The following MAST4 variants were observed in gnomAD, a reference collection of about 807,000 sequenced individuals.
The protein encoded by MAST4 is microtubule-associated serine/threonine-protein kinase 4.
MAST4 carries 89 observed loss-of-function variants against 162.7 expected under a neutral mutation model. That is an observed-to-expected ratio of 0.55 (90% CI 0.46 to 0.65). The LOEUF is 0.65. Ranked by LOEUF, MAST4 falls within the 30% of genes least tolerant of loss-of-function variation. The probability of loss-of-function intolerance (pLI) is 0.00; values close to 1 mark genes in which losing one functional copy is unlikely to be tolerated. For synonymous variants in MAST4, 1,479 were observed against 1,361.1 expected, an observed-to-expected ratio of 1.09 and a Z score of -1.91; for missense variants, 3,153 against 3,374.0, an observed-to-expected ratio of 0.93 and a Z score of 1.62.
intron 5 of MAST4, among the ~76,000 whole-genome samples, chr5:67,083,963 A>G (rs1167549545): frequency 6.6e-6 from 1 of 152,194 alleles, no homozygotes; most frequent in African/African-American, 2.4e-5. Flanking sequence ...TGTGACATCA[A>G]TTCAGAGTAA....
chr5:66,836,702 C>T (rs967007885), intron 3 of MAST4, among the ~76,000 whole-genome samples: 4 of 152,028 alleles, frequency 2.6e-5, no homozygotes, highest in African/African-American at 9.7e-5. Context: ...AACAGAAAAC[C>T]AAATACTGCA....
rs1036991745 is a variant in MAST4 at position 67,067,347 on chromosome 5, G to A, written c.763+12855G>A. Among the ~76,000 whole-genome samples, 24 of 152,140 alleles carry A rather than the reference G, an allele frequency of 1.6e-4. 1 individual carries two copies. Among genetic ancestry groups the A allele is most frequent in the African/African-American group, 5.3e-4 (22 of 41,428 alleles). On this transcript the variant is annotated intron_variant, in intron 5 of 28. Coordinates refer to ENST00000403625, the MANE Select transcript of MAST4 (RefSeq NM_001164664.2). ...TCTCAACCTCCTCATCTATCAAATGGAAGTAGTCAAACTTGCTCTTGGAAC... is the reference window on the plus strand; with the variant it reads ...TCTCAACCTCCTCATCTATCAAATGAAAGTAGTCAAACTTGCTCTTGGAAC...
chr5:67,073,659 C>G (rs1427802970), intron 5 of MAST4, among the ~76,000 whole-genome samples: 1 of 152,050 alleles, frequency 6.6e-6, no homozygotes, highest in Non-Finnish European at 1.5e-5. Flanking sequence ...AAGTGACAAT[C>G]CAAGCATTCA....
intron 19 of MAST4, among the ~76,000 whole-genome samples, chr5:67,136,960 T>G (rs1257955512): frequency 3.3e-5 from 5 of 152,214 alleles, no homozygotes; most frequent in Non-Finnish European, 7.3e-5. Flanking sequence ...GAAGAAAACC[T>G]CAAAGGCACA....
intron 1 of MAST4, among the ~76,000 whole-genome samples, chr5:66,614,530 G>A (rs1743536433): frequency 6.6e-6 from 1 of 152,164 alleles, no homozygotes; most frequent in Admixed American, 6.5e-5. Flanking sequence ...AGAATTCGTT[G>A]AGTCTTGATG....
intron 7 of MAST4, among the ~76,000 whole-genome samples, chr5:67,099,720 CT>C (rs1764820648): frequency 6.6e-6 from 1 of 151,924 alleles, no homozygotes; most frequent in African/African-American, 2.4e-5. Flanking sequence ...AGCTGTTCAT[CT>C]TTCCTGTCTT....
chr5:66,792,853 G>T (rs1320565612), intron 3 of MAST4, among the ~76,000 whole-genome samples: 1 of 152,186 alleles, frequency 6.6e-6, no homozygotes, highest in East Asian at 1.9e-4. Flanking sequence ...TGACTAAGTT[G>T]AAGTGATGTG....
intron 17 of MAST4, among the ~76,000 whole-genome samples, chr5:67,133,891 C>T (rs1214590864): frequency 6.6e-6 from 1 of 152,154 alleles, no homozygotes; most frequent in Non-Finnish European, 1.5e-5. Flanking sequence ...GATCTAATTG[C>T]ACACAAGTGA....
chr5:66,631,402 G>A (rs1455231201), intron 1 of MAST4, among the ~76,000 whole-genome samples: 1 of 152,116 alleles, frequency 6.6e-6, no homozygotes, highest in African/African-American at 2.4e-5. Flanking sequence ...TATGTTTTGT[G>A]TATGCTTTTA....
At chr5:66,772,498 G>A (rs150465680) in intron 2 of MAST4, among the ~76,000 whole-genome samples, 14 of 152,272 alleles carry the variant, frequency 9.2e-5, no homozygotes, top group African/African-American at 2.6e-4. Flanking sequence ...CTCGTGTACT[G>A]GAATTGGTAA....
chr5:66,814,054 G>T (rs1031106043), intron 3 of MAST4, among the ~76,000 whole-genome samples: 1 of 152,186 alleles, frequency 6.6e-6, no homozygotes, highest in Non-Finnish European at 1.5e-5. Context: ...CGGGGGACCT[G>T]TGTGGGTTAA....
rs1010102475 is a variant in MAST4 at position 67,141,693 on chromosome 5, A to G, written c.2495-422A>G. Among the ~76,000 whole-genome samples, 11 of 152,210 alleles carry G rather than the reference A, an allele frequency of 7.2e-5. No individual in the cohort carries two copies. The South Asian group carries it at 1.0e-3, about 14-fold the overall frequency. On this transcript the variant is annotated intron_variant, in intron 19 of 28. Coordinates refer to ENST00000403625, the MANE Select transcript of MAST4 (RefSeq NM_001164664.2). ...AATAATATTTAGGAAAAATTTATCA[A>G]TATTCACTTTACCTCCAGAGGAAAT...
chr5:66,757,682 C>T (rs1227147114), intron 1 of MAST4, among the ~76,000 whole-genome samples: 1 of 151,984 alleles, frequency 6.6e-6, no homozygotes, highest in Non-Finnish European at 1.5e-5. Context: ...CAACAGTCCC[C>T]GTGCATGTGT....
intron 4 of MAST4, among the ~76,000 whole-genome samples, chr5:66,951,724 G>A (rs780434711): frequency 9.2e-5 from 14 of 151,486 alleles, no homozygotes; most frequent in Non-Finnish European, 1.5e-4. Context: ...TTTGGAGTTA[G>A]TAATTGGGGT....
intron 3 of MAST4, among the ~76,000 whole-genome samples, chr5:66,840,910 A>G (rs538099451): frequency 6.6e-6 from 1 of 152,154 alleles, no homozygotes; most frequent in Non-Finnish European, 1.5e-5. Flanking sequence ...TTATGATGAC[A>G]AAGATGACTA....
chr5:67,136,219 A>G (rs1769624060), intron 18 of MAST4, among the ~76,000 whole-genome samples: 1 of 152,222 alleles, frequency 6.6e-6, no homozygotes, highest in African/African-American at 2.4e-5. Flanking sequence ...TAGAGTTTCT[A>G]TTATTTTAAG....
chr5:66,819,905 C>T (rs1454878165), intron 3 of MAST4, among the ~76,000 whole-genome samples: 3 of 151,468 alleles, frequency 2.0e-5, no homozygotes, highest in Non-Finnish European at 2.9e-5. Context: ...TCCCAAGTAG[C>T]TGGGACTACA....
At chr5:66,928,457 T>TG (rs1765065693) in intron 4 of MAST4, among the ~76,000 whole-genome samples, 3 of 152,256 alleles carry the variant, frequency 2.0e-5, no homozygotes, top group Admixed American at 1.3e-4. Context: ...TCTTTGCTGC[T>TG]GTTTCTTTCA....
At chr5:66,701,659 A>G (rs986140274) in intron 1 of MAST4, among the ~76,000 whole-genome samples, 1 of 151,284 alleles carries the variant, frequency 6.6e-6, no homozygotes. Context: ...TAAACACAAC[A>G]TAAATCATGG....
Sources: allele counts gnomAD v4.1 joint callset (sites outside exome capture counted in the v4.1 genomes callset), GRCh38; gene constraint gnomAD v4.1.1; transcripts MANE v1.5; gene names NCBI Gene and HGNC (gene_info 2026-07-23, HGNC 2026-07-21).